FAM167A: variants seen among roughly 807,000 people sequenced by gnomAD.
The protein encoded by FAM167A is protein FAM167A.
Under a neutral mutation model 14.9 loss-of-function variants are expected in FAM167A, and 23 were observed. That is an observed-to-expected ratio of 1.55 (90% CI 1.11 to 2.19). The LOEUF is 2.19. Among genes scored for constraint, FAM167A ranks in the 30% most tolerant of loss-of-function variants. The pLI is 0.00. For synonymous variants in FAM167A, 174 were observed against 117.7 expected, an observed-to-expected ratio of 1.48 and a Z score of -3.10; for missense variants, 401 against 281.5, an observed-to-expected ratio of 1.42 and a Z score of -3.04.
At chr8:11,443,959 A>G (rs1294047227) in intron 2 of FAM167A, 72 bp downstream of exon 2, 2 of 1,525,124 alleles carry the variant, frequency 1.3e-6, no homozygotes, top group East Asian at 4.5e-5. Flanking sequence ...ACAGACAGAG[A>G]GAGACAGAAA....
At chr8:11,460,762 G>T (rs993970588) in intron 1 of FAM167A, among the ~76,000 whole-genome samples, 1 of 152,090 alleles carries the variant, frequency 6.6e-6, no homozygotes, top group Admixed American at 6.5e-5. Flanking sequence ...AGGTCCCACA[G>T]CTCCATGAGT....
Position 11,442,346 on chromosome 8 carries a change from C to A in FAM167A, c.381+1685G>T, listed in dbSNP as rs534448052. Among the ~76,000 whole-genome samples the A allele has an allele frequency of 9.2e-5, 14 of 152,258 alleles. No homozygotes were observed. The South Asian group carries it at 2.9e-3, about 32-fold the overall frequency. On this transcript the variant is annotated intron_variant, in intron 2 of 2. Coordinates refer to ENST00000284486, the MANE Select transcript of FAM167A (RefSeq NM_053279.3). ...ACCCCCAGACATTCATTGGATTGGT[C>A]TTCGGTGTGGCGTAGGCTTTGGGAA... is the stretch of plus-strand genomic sequence containing the variant.
intron 1 of FAM167A, among the ~76,000 whole-genome samples, chr8:11,452,144 T>C (rs967926804): frequency 6.6e-6 from 1 of 152,024 alleles, no homozygotes; most frequent in Non-Finnish European, 1.5e-5. Context: ...AACCACAGGG[T>C]GGATGGTCAC....
At chr8:11,473,589 T>A (rs1808029657) in intron 1 of FAM167A, among the ~76,000 whole-genome samples, 1 of 152,178 alleles carries the variant, frequency 6.6e-6, no homozygotes, top group Non-Finnish European at 1.5e-5. Flanking sequence ...CACACCTTCT[T>A]TCCCATCCCC....
At position 11,444,620 on chromosome 8, in the gene FAM167A, T is replaced by A; in HGVS notation, c.-209A>T. On this transcript the variant is annotated 5_prime_UTR_variant, in exon 2 of 3. Transcript: ENST00000284486. ...CCGCACAGGGCGCCCTCCTGGAGGC[T>A]CGGGTCTATGATCCGTCCTGGAAGC... The A allele has an allele frequency of 7.3e-7, 1 of 1,366,282 alleles. No homozygotes were observed. The allele number at this position is 1,366,282 out of a possible 1,614,324, so 84.6% of individuals were successfully genotyped here. A position where few individuals can be genotyped will look rare whatever the true frequency, so the allele number is the denominator to read the frequency against.
At chr8:11,438,711 C>T (rs1216354778) in intron 2 of FAM167A, 8 of 367,540 alleles carry the variant, frequency 2.2e-5, no homozygotes, top group South Asian at 1.3e-4. Context: ...CCCACGAGGC[C>T]GTATCTGCCC....
chr8:11,441,388 C>T (rs934554789), intron 2 of FAM167A, among the ~76,000 whole-genome samples: 4 of 152,206 alleles, frequency 2.6e-5, no homozygotes, highest in Admixed American at 6.5e-5. Flanking sequence ...GTTGGAAATT[C>T]GAAAGCACAA....
At chr8:11,433,497 T>C (rs1212753031) in intron 2 of FAM167A, among the ~76,000 whole-genome samples, 1 of 152,216 alleles carries the variant, frequency 6.6e-6, no homozygotes, top group African/African-American at 2.4e-5. Context: ...ATAAGGGCTG[T>C]GATGGCAGCA....
At chr8:11,471,916 G>T (rs1178899414), upstream of FAM167A, among the ~76,000 whole-genome samples, 4 of 152,162 alleles carry the variant, frequency 2.6e-5, no homozygotes, top group African/African-American at 7.2e-5. Context: ...AAAGTAAGAG[G>T]GGGGCCACAG....
intron 2 of FAM167A, among the ~76,000 whole-genome samples, chr8:11,430,778 G>A (rs181603050): frequency 3.3e-5 from 5 of 152,228 alleles, no homozygotes; most frequent in South Asian, 4.2e-4. Flanking sequence ...TGGAGGAGAC[G>A]GCCAAGGCGG....
At chr8:11,425,470 A>G (rs1005052111) in intron 2 of FAM167A, among the ~76,000 whole-genome samples, 3 of 152,230 alleles carry the variant, frequency 2.0e-5, no homozygotes, top group African/African-American at 7.2e-5. Flanking sequence ...TGGAGCTAGC[A>G]GAGTGCTTAG....
At chr8:11,441,587 C>A (rs1806440391) in intron 2 of FAM167A, among the ~76,000 whole-genome samples, 2 of 152,168 alleles carry the variant, frequency 1.3e-5, no homozygotes, top group African/African-American at 4.8e-5. Flanking sequence ...CTGCGTTGGG[C>A]CACCTCACGA....
chr8:11,444,232 G>T lies in FAM167A; in HGVS notation c.180C>A (p.Phe60Leu). ...CCTGTGGCTCCGCAGCCGGCCTCGG[G>T]AAGGGCCAGGTATGCTCCTCCAGCC... ...QARLEEHTWP[F>L]PRPAAEPQAS... The change falls in exon 2 of 3, where the codon TTC becomes TTA. Residue 60 changes from phenylalanine (F) to leucine (L), a missense_variant. By Grantham distance (22) the Phe-to-Leu change is conservative (BLOSUM62 0). Coordinates refer to ENST00000284486, the MANE Select transcript of FAM167A (RefSeq NM_053279.3). 1 of 1,611,858 alleles carries T rather than the reference G, an allele frequency of 6.2e-7. No individual in the cohort carries two copies. Among genetic ancestry groups the T allele is most frequent in the South Asian group, 1.1e-5 (1 of 91,022 alleles).
chr8:11,430,008 A>G (rs1422653492), intron 2 of FAM167A, among the ~76,000 whole-genome samples: 1 of 152,246 alleles, frequency 6.6e-6, no homozygotes, highest in East Asian at 1.9e-4. Flanking sequence ...CATGGAACCC[A>G]GCAAGGACCT....
At chr8:11,430,889 G>A (rs1805533461) in intron 2 of FAM167A, among the ~76,000 whole-genome samples, 1 of 152,156 alleles carries the variant, frequency 6.6e-6, no homozygotes. Context: ...TGGTTTGCTG[G>A]GGGGTCTCTC....
At chr8:11,432,185 C>T (rs1795506838) in intron 2 of FAM167A, among the ~76,000 whole-genome samples, 1 of 152,182 alleles carries the variant, frequency 6.6e-6, no homozygotes, top group South Asian at 2.1e-4. Flanking sequence ...AATACTTTCT[C>T]TGATCCCACG....
intron 2 of FAM167A, chr8:11,443,766 C>A (rs1270250026): frequency 4.4e-6 from 2 of 452,720 alleles, no homozygotes; most frequent in Admixed American, 8.0e-5. Flanking sequence ...TACACCTTAA[C>A]ATGGGTTCAG....
rs796360775 is a variant in FAM167A at position 11,444,427 on chromosome 8, G to A, written c.-16C>T. On this transcript the variant is annotated 5_prime_UTR_variant, in exon 2 of 3. The change creates a premature stop within an existing upstream ORF in the 5' untranslated region. Transcript: ENST00000284486. ...GCACAGACATTCTACAGTCTGCCCTGGCAGCCGGACATGCGAGGGCACGGG... is the reference window on the plus strand; with the variant it reads ...GCACAGACATTCTACAGTCTGCCCTAGCAGCCGGACATGCGAGGGCACGGG... 1.1e-5 allele frequency: 16 copies of A among 1,521,030 alleles called. No homozygotes were observed. The African/African-American group carries it at 2.2e-4, about 21-fold the overall frequency. The allele number at this position is 1,521,030 out of a possible 1,614,324, so 94.2% of individuals were successfully genotyped here.
chr8:11,442,662 G>T (rs988201219), intron 2 of FAM167A, among the ~76,000 whole-genome samples: 10 of 149,422 alleles, frequency 6.7e-5, no homozygotes, highest in African/African-American at 2.4e-4. Context: ...GGTCTGTCCT[G>T]GGGCACTGTG....
Sources: gnomAD v4.1 joint callset for allele counts (sites outside exome capture counted in the v4.1 genomes callset) on GRCh38, gnomAD v4.1.1 for gene constraint, MANE v1.5 for transcripts, NCBI Gene and HGNC (gene_info 2026-07-23, HGNC 2026-07-21) for gene names.